Variants in TIAM1 observed in about 807,000 individuals in gnomAD.
The protein encoded by TIAM1 is TIAM Rac1 associated GEF 1, also known as rho guanine nucleotide exchange factor TIAM1.
A neutral mutation model predicts 163.5 loss-of-function variants in TIAM1; 65 were observed. That is an observed-to-expected ratio of 0.40 (90% CI 0.33 to 0.49). The LOEUF (loss-of-function observed/expected upper bound fraction) is 0.49. Among genes scored for constraint, TIAM1 ranks in the 20% least tolerant of loss-of-function variants. The probability of loss-of-function intolerance (pLI) is 0.77; values close to 1 mark genes in which losing one functional copy is unlikely to be tolerated. For synonymous variants in TIAM1, 833 were observed against 810.1 expected, an observed-to-expected ratio of 1.03 and a Z score of -0.48; for missense variants, 1,789 against 2,044.7, an observed-to-expected ratio of 0.87 and a Z score of 2.41.
intron 1 of TIAM1, among the ~76,000 whole-genome samples, chr21:31,483,719 G>C (rs981420960): frequency 6.6e-6 from 1 of 152,050 alleles, no homozygotes; most frequent in African/African-American, 2.4e-5. Context: ...GACAGAGTCC[G>C]TGCATCCAGT....
intron 2 of TIAM1, among the ~76,000 whole-genome samples, chr21:31,405,868 A>G (rs1450620479): frequency 6.6e-6 from 1 of 152,192 alleles, no homozygotes; most frequent in East Asian, 1.9e-4. Context: ...GATGGGAGAC[A>G]TTTAAAAGTG....
intron 2 of TIAM1, among the ~76,000 whole-genome samples, chr21:31,458,613 C>A (rs931988538): frequency 2.0e-5 from 3 of 152,174 alleles, no homozygotes; most frequent in Admixed American, 2.0e-4. Flanking sequence ...ATGACAGCAC[C>A]TGCGCTGATT....
At chr21:31,296,812 T>G (rs765192056) in intron 2 of TIAM1, among the ~76,000 whole-genome samples, 2 of 152,166 alleles carry the variant, frequency 1.3e-5, no homozygotes, top group African/African-American at 4.8e-5. Context: ...TACAGGCATG[T>G]GCCACCACGC....
intron 1 of TIAM1, among the ~76,000 whole-genome samples, chr21:31,531,369 C>A (rs2047964549): frequency 2.0e-5 from 3 of 152,148 alleles, no homozygotes; most frequent in Admixed American, 1.3e-4. Context: ...AGGGCCGCAA[C>A]CCCTGGGGGC....
chr21:31,545,905 AC>A (rs904011529), intron 1 of TIAM1, among the ~76,000 whole-genome samples: 2 of 152,192 alleles, frequency 1.3e-5, no homozygotes, highest in Non-Finnish European at 2.9e-5. Flanking sequence ...TTAAGTGTCC[AC>A]TAGTCACACC....
chr21:31,314,602 C>G (rs1369368345), intron 2 of TIAM1, among the ~76,000 whole-genome samples: 2 of 152,018 alleles, frequency 1.3e-5, no homozygotes, highest in Non-Finnish European at 2.9e-5. Flanking sequence ...ACTTTTTATC[C>G]TATTCCAATA....
intron 2 of TIAM1, among the ~76,000 whole-genome samples, chr21:31,295,692 G>GTTA (rs772504652): frequency 1.8e-3 from 274 of 152,232 alleles, no homozygotes; most frequent in Admixed American, 3.8e-3. Context: ...GCCACAGGAT[G>GTTA]GTAATAGAGC....
Position 31,120,400 on chromosome 21 carries a change from C to T in TIAM1, c.4744G>A (p.Ala1582Thr). 6.2e-7 allele frequency: 1 copy of T among 1,612,422 alleles called. No individual in the cohort carries two copies. Among genetic ancestry groups the T allele is most frequent in the Non-Finnish European group, 8.5e-7 (1 of 1,179,076 alleles). Residue 1582 changes from alanine (A) to threonine (T), a missense_variant, in exon 28 of 28, where the codon GCC (alanine) becomes ACC (threonine). Physicochemically the swap from Ala to Thr is moderately conservative, Grantham distance 58. This residue lies in a region of TIAM1 where 415 missense variants were observed against 439.2 expected (regional missense o/e 0.94). Transcript: ENST00000541036. The surrounding 1 kb of genome is among the most constrained non-coding windows in gnomAD (Gnocchi z 4.2). ...TCAGTGTTCAGTTTCCTGGAGGGGG[C>T]AAAGTCTTCACGCCTAACCCAAATG... ...EVIWVRREDF[A>T]PSRKLNTEI
chr21:31,549,594 C>T (rs1411132289), intron 1 of TIAM1, among the ~76,000 whole-genome samples: 2 of 152,132 alleles, frequency 1.3e-5, no homozygotes, highest in Non-Finnish European at 2.9e-5. Flanking sequence ...TGGAGAAATG[C>T]ATATCAAAAC....
At chr21:31,130,163 C>T (rs1346640865) in intron 25 of TIAM1, 50 bp downstream of exon 25, 3 of 1,433,638 alleles carry the variant, frequency 2.1e-6, no homozygotes, top group East Asian at 2.4e-5. Context: ...ATAATTCCTA[C>T]ACACATCAGA....
intron 2 of TIAM1, among the ~76,000 whole-genome samples, chr21:31,320,176 A>G (rs1472983985): frequency 2.0e-5 from 3 of 152,172 alleles, no homozygotes; most frequent in Non-Finnish European, 4.4e-5. Context: ...TCTGACACAT[A>G]CTACAACATG....
chr21:31,243,103 A>C (rs939841618), intron 6 of TIAM1, among the ~76,000 whole-genome samples: 19 of 149,024 alleles, frequency 1.3e-4, no homozygotes, highest in African/African-American at 4.7e-4. Flanking sequence ...GAGGCAGGAG[A>C]ATTGCTTGAA....
intron 10 of TIAM1, among the ~76,000 whole-genome samples, chr21:31,210,602 G>GA (rs2086706296): frequency 9.7e-5 from 10 of 103,354 alleles, no homozygotes; most frequent in African/African-American, 1.6e-4. Context: ...AAGAGAGAAA[G>GA]AAGGAAGGAA....
At chr21:31,171,569 G>C (rs2084516288) in intron 15 of TIAM1, among the ~76,000 whole-genome samples, 1 of 152,078 alleles carries the variant, frequency 6.6e-6, no homozygotes, top group African/African-American at 2.4e-5. Context: ...CATATGTCAT[G>C]TTTTCTACCC....
chr21:31,388,212 AACACACACACACACACACACACACAC>A (rs11369323), intron 2 of TIAM1, among the ~76,000 whole-genome samples: 13 of 115,846 alleles, frequency 1.1e-4, no homozygotes, highest in Admixed American at 1.0e-3. Context: ...AGAAGACCCT[AACACACACACACACACACACACACAC>A]ACACACACAC....
rs1367531786 is a variant in TIAM1 at position 31,210,732 on chromosome 21, AAAGAAGGAAGGAAGGG to A, written c.2218-533_2218-518del. 1.8e-4 allele frequency among the ~76,000 whole-genome samples: 22 copies of A among 122,824 alleles called. 1 individual carries two copies. Among genetic ancestry groups the A allele is most frequent in the South Asian group, 4.9e-4 (2 of 4,094 alleles). 80.6% of individuals were successfully genotyped at this position (122,824 alleles called of 152,430 possible). A position where few individuals can be genotyped will look rare whatever the true frequency, so the allele number is the denominator to read the frequency against. On this transcript the variant is annotated intron_variant, in intron 10 of 27. Transcript: ENST00000541036. ...GAAAGAAAGAGAAAGAAAGAAAGAG[AAAGAAGGAAGGAAGGG>A]AGAAAGAAAGAAAGAAAGAAAGAAA...
intron 2 of TIAM1, among the ~76,000 whole-genome samples, chr21:31,357,893 C>A (rs2076342482): frequency 1.3e-5 from 2 of 152,234 alleles, no homozygotes; most frequent in South Asian, 2.1e-4. Context: ...ACCATAAATT[C>A]TTCTGCCTTG....
intron 2 of TIAM1, among the ~76,000 whole-genome samples, chr21:31,365,679 T>C (rs2076493015): frequency 6.6e-6 from 1 of 151,826 alleles, no homozygotes; most frequent in South Asian, 2.1e-4. Context: ...CGTGAGCCAC[T>C]GTGCCCAGCC....
intron 2 of TIAM1, among the ~76,000 whole-genome samples, chr21:31,429,162 C>G (rs903178076): frequency 2.0e-5 from 3 of 151,904 alleles, no homozygotes; most frequent in African/African-American, 7.2e-5. Context: ...TGACCAGGCC[C>G]AGCTGGGTTT....
Sources: allele counts gnomAD v4.1 joint callset (sites outside exome capture counted in the v4.1 genomes callset), GRCh38; gene constraint gnomAD v4.1.1; regional missense constraint gnomAD v4.1.1; non-coding constraint Gnocchi (gnomAD v3.1); transcripts MANE v1.5; gene names NCBI Gene and HGNC (gene_info 2026-07-23, HGNC 2026-07-21).